TRMT5: variants seen among roughly 807,000 people sequenced by gnomAD.
TRMT5 encodes tRNA methyltransferase 5.
Under a neutral mutation model 42.2 loss-of-function variants are expected in TRMT5, and 31 were observed. That is an observed-to-expected ratio of 0.73 (90% confidence interval 0.55 to 0.99). The LOEUF is 0.99. Among genes scored for constraint, TRMT5 ranks in the 50% least tolerant of loss-of-function variants. The pLI is 0.00. For synonymous variants in TRMT5, 198 were observed against 209.6 expected, an observed-to-expected ratio of 0.94 and a Z score of 0.48; for missense variants, 568 against 595.0, an observed-to-expected ratio of 0.95 and a Z score of 0.47.
chr14:60,972,289 C>CT lies in TRMT5; in HGVS notation c.*2819dup. ...CCTTCCCGCTCCTTGCCAGCATCAGCTTTTCTCTTTTTCCCTTTGGGTACC... is the reference window on the plus strand; with the variant it reads ...CCTTCCCGCTCCTTGCCAGCATCAGCTTTTTCTCTTTTTCCCTTTGGGTACC... On this transcript the variant is annotated 3_prime_UTR_variant, in exon 5 of 5. Coordinates refer to ENST00000261249, the MANE Select transcript of TRMT5 (RefSeq NM_020810.3). The CT allele has an allele frequency of 1.9e-6, 1 of 536,286 alleles. No individual in the cohort carries two copies. The highest frequency in any genetic ancestry group is 1.9e-5 in the African/African-American group (1 of 52,324). 33.2% of individuals were successfully genotyped at this position (536,286 alleles called of 1,614,324 possible). A position where few individuals can be genotyped will look rare whatever the true frequency, so the allele number is the denominator to read the frequency against.
chr14:60,979,056 A>C (rs566160679), intron 2 of TRMT5, among the ~76,000 whole-genome samples, 175 bp downstream of exon 2: 1 of 152,340 alleles, frequency 6.6e-6, no homozygotes, highest in African/African-American at 2.4e-5. Flanking sequence ...TGACTAAAGA[A>C]GATATTTCAA....
chr14:60,981,659 A>C, upstream of TRMT5: 2 of 1,424,956 alleles, frequency 1.4e-6, no homozygotes, highest in Non-Finnish European at 1.9e-6. Flanking sequence ...TGATGGGATG[A>C]GCGGCCCTAG....
chr14:60,976,256 A>G (rs540319253), intron 3 of TRMT5, 130 bp from the exon 4 acceptor site: 4 of 1,049,988 alleles, frequency 3.8e-6, no homozygotes, highest in East Asian at 2.5e-5. Flanking sequence ...AGAGCCAAAC[A>G]ACAGTGCATT....
intron 1 of TRMT5, 22 bp from the exon 2 acceptor site, chr14:60,979,908 T>C (rs761190128): frequency 2.6e-6 from 3 of 1,142,748 alleles, no homozygotes; most frequent in African/African-American, 3.1e-5. Flanking sequence ...AAAAAAAAAA[T>C]TCACACACGA....
chr14:60,977,995 G>A (rs1566590543), intron 2 of TRMT5, among the ~76,000 whole-genome samples: 1 of 152,114 alleles, frequency 6.6e-6, no homozygotes, highest in Non-Finnish European at 1.5e-5. Flanking sequence ...AGATGTAAAG[G>A]ACCCTGGCAA....
At chr14:60,979,110 A>T (rs2036883627) in intron 2 of TRMT5, 121 bp downstream of exon 2, 2 of 883,886 alleles carry the variant, frequency 2.3e-6, no homozygotes, top group Non-Finnish European at 3.4e-6. Context: ...TCTAGCTTAA[A>T]GTTAACATGA....
Position 60,975,583 on chromosome 14 carries a change from A to G in TRMT5, c.1336T>C (p.Cys446Arg). The change falls in exon 4 of 5, where the codon TGC (cysteine) becomes CGC (arginine). Residue 446 changes from cysteine (C) to arginine (R), a missense_variant. Coordinates refer to ENST00000261249, the MANE Select transcript of TRMT5 (RefSeq NM_020810.3). ...TTTCTTACCAGGTGAACTGAACTGCATGCCTCCAGAGAAATGCCTAACACA... is the reference window on the plus strand; with the variant it reads ...TTTCTTACCAGGTGAACTGAACTGCGTGCCTCCAGAGAAATGCCTAACACA... Reference protein sequence around the residue: ...GAVLGISLEACSSVHLVRNVA... With the variant: ...GAVLGISLEARSSVHLVRNVA... 2 of 1,614,212 alleles carry G rather than the reference A, an allele frequency of 1.2e-6. No homozygotes were observed. Among genetic ancestry groups the G allele is most frequent in the Middle Eastern group, 1.6e-4 (1 of 6,062 alleles).
Position 60,972,299 on chromosome 14 carries a change from T to C in TRMT5, c.*2810A>G. On this transcript the variant is annotated 3_prime_UTR_variant, in exon 5 of 5. Transcript: ENST00000261249. ...CCTTGCCAGCATCAGCTTTTCTCTT[T>C]TTCCCTTTGGGTACCTTCTCTCCCT... 1 of 538,066 alleles carries C rather than the reference T, an allele frequency of 1.9e-6. No homozygotes were observed. The highest frequency in any genetic ancestry group is 3.7e-6 in the Non-Finnish European group (1 of 268,662). The allele number at this position is 538,066 out of a possible 1,614,324, so 33.3% of individuals were successfully genotyped here.
intron 3 of TRMT5, among the ~76,000 whole-genome samples, chr14:60,976,837 A>G (rs956845703): frequency 1.3e-5 from 2 of 152,170 alleles, no homozygotes; most frequent in Non-Finnish European, 2.9e-5. Context: ...TTTTGGGTCT[A>G]TTGTAGTAGA....
intron 3 of TRMT5, 32 bp from the exon 4 acceptor site, chr14:60,976,158 T>C (rs2036844296): frequency 1.3e-6 from 2 of 1,577,980 alleles, no homozygotes; most frequent in Non-Finnish European, 1.7e-6. Flanking sequence ...TTTGGTTAAT[T>C]TCCTTGGTCC....
Position 60,972,584 on chromosome 14 carries a change from T to A in TRMT5, c.*2525A>T, listed in dbSNP as rs182088890. 6.4e-3 allele frequency: 2,148 copies of A among 336,980 alleles called. 11 individuals carry two copies. The highest frequency in any genetic ancestry group is 9.3e-3 in the Non-Finnish European group (1,621 of 174,498). 20.9% of individuals were successfully genotyped at this position (336,980 alleles called of 1,614,324 possible). A position where few individuals can be genotyped will look rare whatever the true frequency, so the allele number is the denominator to read the frequency against. ...TCCTTCACACTGCTCCCACGCTTTT[T>A]TAATTGACAAAATTCAAAATATAGC... On this transcript the variant is annotated 3_prime_UTR_variant, in exon 5 of 5. Transcript: ENST00000261249.
chr14:60,976,562 T>C (rs537708310), intron 3 of TRMT5, among the ~76,000 whole-genome samples: 1 of 152,358 alleles, frequency 6.6e-6, no homozygotes, highest in East Asian at 1.9e-4. Flanking sequence ...TTGCAGACAG[T>C]ACTTCTATGC....
chr14:60,977,064 G>C (rs114045229), intron 3 of TRMT5, among the ~76,000 whole-genome samples: 1 of 151,890 alleles, frequency 6.6e-6, no homozygotes, highest in African/African-American at 2.4e-5. Flanking sequence ...AACCATATCA[G>C]ATGCTTCCGG....
Position 60,976,020 on chromosome 14 carries a change from T to C in TRMT5, c.899A>G (p.Asp300Gly), listed in dbSNP as rs2036842045. 6.2e-7 allele frequency: 1 copy of C among 1,614,194 alleles called. No individual in the cohort carries two copies. Among genetic ancestry groups the C allele is most frequent in the South Asian group, 1.1e-5 (1 of 91,086 alleles). Residue 300 changes from aspartate to glycine, a missense_variant, in exon 4 of 5, where the codon GAT becomes GGT. By Grantham distance (94) the Asp-to-Gly change is moderately conservative (BLOSUM62 -1). Transcript: ENST00000261249. Reference protein sequence around the residue: ...SRITELLKPGDVLFDVFAGVG... With the variant: ...SRITELLKPGGVLFDVFAGVG... ...CCCAGCAAAAACATCAAATAGGACA[T>C]CCCCAGGTTTGAGAAGTTCTGTGAT... is the stretch of plus-strand genomic sequence containing the variant.
At chr14:60,981,281 G>T, upstream of TRMT5, 1 of 1,603,434 alleles carries the variant, frequency 6.2e-7, no homozygotes, top group Non-Finnish European at 8.5e-7. Flanking sequence ...GAGCAGCATG[G>T]AGGCGTCCTG....
chr14:60,973,445 A>C lies in TRMT5; in HGVS notation c.*1664T>G, dbSNP rs981080675. ...GAGTGCCACATACTTTGAAACAACA[A>C]GATCTCATAACTCATTATCTTAAGG... On this transcript the variant is annotated 3_prime_UTR_variant, in exon 5 of 5. Transcript: ENST00000261249. 4 of 152,242 alleles carry C rather than the reference A, an allele frequency of 2.6e-5. No homozygotes were observed. Among genetic ancestry groups the C allele is most frequent in the African/African-American group, 9.7e-5 (4 of 41,422 alleles). 9.4% of individuals were successfully genotyped at this position (152,242 alleles called of 1,614,324 possible). A position where few individuals can be genotyped will look rare whatever the true frequency, so the allele number is the denominator to read the frequency against.
At chr14:60,979,183 A>G (rs766564140) in intron 2 of TRMT5, 48 bp downstream of exon 2, 2 of 1,489,936 alleles carry the variant, frequency 1.3e-6, no homozygotes, top group Non-Finnish European at 1.8e-6. Context: ...AAAATTAACA[A>G]TTTGCAAATT....
At position 60,974,053 on chromosome 14, in the gene TRMT5, C is replaced by T. The variant is rs1289829461; in HGVS notation, c.*1056G>A. 1 of 152,178 alleles carries T rather than the reference C, an allele frequency of 6.6e-6. No homozygotes were observed. Among genetic ancestry groups the T allele is most frequent in the Non-Finnish European group, 1.5e-5 (1 of 68,022 alleles). 9.4% of individuals were successfully genotyped at this position (152,178 alleles called of 1,614,324 possible). ...TTCTTTTAGCTTAGCTATATAGATG[C>T]TTTGTCGTCTAATTCAACATCAAAA... On this transcript the variant is annotated 3_prime_UTR_variant, in exon 5 of 5. Coordinates refer to ENST00000261249, the MANE Select transcript of TRMT5 (RefSeq NM_020810.3).
upstream of TRMT5, chr14:60,981,296 A>G: frequency 6.2e-7 from 1 of 1,607,686 alleles, no homozygotes. Context: ...GTCCTGGGGG[A>G]GCTTCAACGC....
Sources: allele counts gnomAD v4.1 joint callset (sites outside exome capture counted in the v4.1 genomes callset), GRCh38; gene constraint gnomAD v4.1.1; transcripts MANE v1.5; gene names NCBI Gene and HGNC (gene_info 2026-07-23, HGNC 2026-07-21).